USP10: variants seen among roughly 807,000 people sequenced by gnomAD.
USP10 encodes ubiquitin specific peptidase 10.
Under a neutral mutation model 84.5 loss-of-function variants are expected in USP10, and 22 were observed. That is an observed-to-expected ratio of 0.26 (90% CI 0.19 to 0.37). The LOEUF is 0.37. USP10 is among the 10% of genes least tolerant of loss of function. The pLI is 1.00. For missense variants in USP10, 1,019 were observed against 998.9 expected (o/e 1.02, Z -0.27); for synonymous variants, 454 against 387.6 (o/e 1.17, Z -2.01).
At chr16:84,750,784 T>TA (rs1420108713) in intron 4 of USP10, among the ~76,000 whole-genome samples, 1 of 152,216 alleles carries the variant, frequency 6.6e-6, no homozygotes, top group Non-Finnish European at 1.5e-5. Flanking sequence ...AACTGCCCGA[T>TA]AAGTTAAAAT....
intron 10 of USP10, among the ~76,000 whole-genome samples, chr16:84,766,785 CT>C (rs943619130): frequency 6.6e-6 from 1 of 152,180 alleles, no homozygotes; most frequent in Non-Finnish European, 1.5e-5. Context: ...GTTGATGTTT[CT>C]TTTTGAAAAA....
intron 1 of USP10, among the ~76,000 whole-genome samples, chr16:84,701,631 C>G (rs188148539): frequency 1.1e-3 from 164 of 152,282 alleles, no homozygotes; most frequent in Middle Eastern, 0.01. Context: ...AGGCATAGCT[C>G]ACTTCCTTTA....
intron 1 of USP10, among the ~76,000 whole-genome samples, chr16:84,705,233 TG>T (rs1905321710): frequency 6.6e-6 from 1 of 150,562 alleles, no homozygotes; most frequent in Admixed American, 6.6e-5. Context: ...TTGTTTTTTT[TG>T]TTTGTTTTTT....
chr16:84,713,743 A>C (rs1292638704), intron 1 of USP10, among the ~76,000 whole-genome samples: 2 of 152,210 alleles, frequency 1.3e-5, no homozygotes, highest in Non-Finnish European at 2.9e-5. Flanking sequence ...AGACCATCAC[A>C]GGAGAGTCCC....
rs376731163 is a variant in USP10, at chr16:84,717,144, G to A, written c.22-16291G>A. On this transcript the variant is annotated intron_variant, in intron 1 of 13. Coordinates refer to ENST00000219473, the MANE Select transcript of USP10 (RefSeq NM_005153.3). ...CTCCTAGGTAATTCCTAGGCTGCTG[G>A]CCTGGTGACCTCACTTTGAGTAGCA... 2.0e-5 allele frequency among the ~76,000 whole-genome samples: 3 copies of A among 152,170 alleles called. No individual in the cohort carries two copies. In the South Asian group the frequency reaches 6.2e-4, roughly 32 times the overall value.
intron 1 of USP10, among the ~76,000 whole-genome samples, chr16:84,708,488 C>T (rs756214873): frequency 2.6e-5 from 4 of 152,202 alleles, no homozygotes; most frequent in South Asian, 2.1e-4. Context: ...CATTCAGATT[C>T]TTGTCCATCC....
In USP10 at chr16:84,700,013, C is replaced by G; in HGVS notation, c.-78C>G. 3.1e-6 allele frequency: 4 copies of G among 1,295,104 alleles called. No homozygotes were observed. Among genetic ancestry groups the G allele is most frequent in the South Asian group, 2.8e-5 (2 of 70,688 alleles). 80.2% of individuals were successfully genotyped at this position (1,295,104 alleles called of 1,614,324 possible). ...GGCGGCCGATGCGAGTGTGTATGTG[C>G]GGGCGAGAAGATGGCGGCGGCGGGG... On this transcript the variant is annotated 5_prime_UTR_variant, in exon 1 of 14. Transcript: ENST00000219473.
chr16:84,707,332 A>G (rs1905663910), intron 1 of USP10, among the ~76,000 whole-genome samples: 1 of 152,254 alleles, frequency 6.6e-6, no homozygotes, highest in African/African-American at 2.4e-5. Flanking sequence ...ATATGTTACT[A>G]TTCACTAAAG....
Position 84,774,618 on chromosome 16 carries a change from G to A in USP10, c.2144-542G>A, listed in dbSNP as rs545105169. 5.3e-5 allele frequency among the ~76,000 whole-genome samples: 8 copies of A among 151,924 alleles called. No homozygotes were observed. In the South Asian group the frequency reaches 8.3e-4, roughly 16 times the overall value. On this transcript the variant is annotated intron_variant, in intron 12 of 13. Transcript: ENST00000219473. Reference sequence around the variant, plus strand: ...CCCGAGTAGCTGAGACTACAGCCGCGTGCCACCACGCCCGGGTAATTTTTT... The same window carrying A: ...CCCGAGTAGCTGAGACTACAGCCGCATGCCACCACGCCCGGGTAATTTTTT...
chr16:84,703,561 G>C (rs775792229), intron 1 of USP10, among the ~76,000 whole-genome samples: 1 of 152,212 alleles, frequency 6.6e-6, no homozygotes, highest in African/African-American at 2.4e-5. Flanking sequence ...TCTTAAAAGA[G>C]ATACATTTTT....
intron 1 of USP10, among the ~76,000 whole-genome samples, chr16:84,706,580 A>G (rs1905546449): frequency 1.3e-5 from 2 of 150,424 alleles, no homozygotes; most frequent in Middle Eastern, 3.5e-3. Context: ...TTCCTCTGTC[A>G]CCCAGGCTGG....
intron 2 of USP10, among the ~76,000 whole-genome samples, chr16:84,738,099 G>GTGCTGGCTTT (rs71151243): frequency 0.71 from 107,878 of 151,674 alleles, 39,574 homozygotes; most frequent in East Asian, 0.95. Flanking sequence ...TCTCTGCCTT[G>GTGCTGGCTTT]TGAAGTGGAT....
intron 10 of USP10, among the ~76,000 whole-genome samples, chr16:84,766,085 A>G (rs1913827316): frequency 6.6e-6 from 1 of 152,210 alleles, no homozygotes. Flanking sequence ...CCTGAAAGAA[A>G]GAGCACCCCT....
chr16:84,710,771 TG>T (rs1415276983), intron 1 of USP10, among the ~76,000 whole-genome samples: 1 of 152,194 alleles, frequency 6.6e-6, no homozygotes. Context: ...CAGAATCACC[TG>T]GCACCCTGGG....
chr16:84,715,051 C>T (rs1215282299), intron 1 of USP10, among the ~76,000 whole-genome samples: 2 of 151,860 alleles, frequency 1.3e-5, no homozygotes, highest in Non-Finnish European at 2.9e-5. Context: ...GCCTCAGCCT[C>T]CTGAGTAGCT....
chr16:84,759,940 C>A lies in USP10; in HGVS notation c.1444C>A (p.Arg482=), dbSNP rs757444995. ...TAATATGCCAGTACCTCCAAAACCCCGACAAGGTTAGTAAAAATGAGTTTT... is the reference window on the plus strand; with the variant it reads ...TAATATGCCAGTACCTCCAAAACCCAGACAAGGTTAGTAAAAATGAGTTTT... The part of the protein sequence containing the change: ...FTNMPVPPKP[R]QALGDKIVRD... Residue 482 remains arginine, a synonymous_variant, in exon 7 of 14, where the codon CGA becomes AGA. Transcript: ENST00000219473. The A allele has an allele frequency of 1.2e-6, 2 of 1,613,884 alleles. No individual in the cohort carries two copies. Among genetic ancestry groups the A allele is most frequent in the Admixed American group, 1.7e-5 (1 of 60,012 alleles).
chr16:84,724,962 C>G (rs966744066), intron 1 of USP10, among the ~76,000 whole-genome samples: 1 of 152,156 alleles, frequency 6.6e-6, no homozygotes, highest in African/African-American at 2.4e-5. Flanking sequence ...GGCTTTGATT[C>G]ATAAAGCCTA....
chr16:84,716,185 C>A (rs191111477), intron 1 of USP10: 13 of 152,378 alleles, frequency 8.5e-5, no homozygotes, highest in Admixed American at 8.5e-4. Context: ...TCCCCCCTCT[C>A]CTTTTCCAGA....
intron 4 of USP10, among the ~76,000 whole-genome samples, chr16:84,756,552 C>T (rs1912567880): frequency 6.6e-6 from 1 of 152,178 alleles, no homozygotes; most frequent in Non-Finnish European, 1.5e-5. Flanking sequence ...AAGATTGCAC[C>T]ACTGCACTCC....
Sources: gnomAD v4.1 joint callset for allele counts (sites outside exome capture counted in the v4.1 genomes callset) on GRCh38, gnomAD v4.1.1 for gene constraint, MANE v1.5 for transcripts, NCBI Gene and HGNC (gene_info 2026-07-23, HGNC 2026-07-21) for gene names.